Variants in HIPK1 observed in about 807,000 individuals in gnomAD.
The protein encoded by HIPK1 is homeodomain interacting protein kinase 1, also known as homeodomain-interacting protein kinase 1.
In HIPK1, 28 loss-of-function variants were observed where a neutral mutation model predicts 117.1. That is an observed-to-expected ratio of 0.24 (90% CI 0.18 to 0.33). HIPK1 has a LOEUF of 0.33. HIPK1 is among the 10% of genes least tolerant of loss of function. The pLI is 1.00. For synonymous variants in HIPK1, 605 were observed against 562.5 expected (o/e 1.08, Z -1.07); for missense variants, 1,122 against 1,475.1 (o/e 0.76, Z 3.92).
Position 113,974,261 on chromosome 1 carries a change from C to A in HIPK1, c.*749C>A, listed in dbSNP as rs983198851. On this transcript the variant is annotated 3_prime_UTR_variant, in exon 16 of 16. Coordinates refer to ENST00000426820, the MANE Select transcript of HIPK1 (RefSeq NM_198268.3). Reference sequence around the variant, plus strand: ...CTTAATGTGAGAGAATCCATATCTGCGTGAAAACACCAAGTATTCTTTTTA... The same window carrying A: ...CTTAATGTGAGAGAATCCATATCTGAGTGAAAACACCAAGTATTCTTTTTA... 6.6e-6 allele frequency: 1 copy of A among 152,670 alleles called. No homozygotes were observed. The highest frequency in any genetic ancestry group is 2.4e-5 in the African/African-American group (1 of 41,450). 9.5% of individuals were successfully genotyped at this position (152,670 alleles called of 1,614,324 possible). A position where few individuals can be genotyped will look rare whatever the true frequency, so the allele number is the denominator to read the frequency against.
chr1:113,968,593 A>T lies in HIPK1; in HGVS notation c.2716A>T (p.Ile906Phe). 1 of 1,614,168 alleles carries T rather than the reference A, an allele frequency of 6.2e-7. No individual in the cohort carries two copies. Among genetic ancestry groups the T allele is most frequent in the Non-Finnish European group, 8.5e-7 (1 of 1,179,974 alleles). Residue 906 changes from isoleucine to phenylalanine, a missense_variant, in exon 13 of 16, where the codon ATC (isoleucine) becomes TTC (phenylalanine). Transcript: ENST00000426820. ...TACTCCCAGCCCTCCTGTGAGTGTC[A>T]TCACTATCCGAAGTGACACTGATGA... ...PDTPSPPVSVITIRSDTDEEE... is the reference protein window; with the variant it reads ...PDTPSPPVSVFTIRSDTDEEE...
At position 113,952,760 on chromosome 1, in the gene HIPK1, T is replaced by C. The variant is rs764977314; in HGVS notation, c.1077-6T>C. On this transcript the variant is annotated splice_polypyrimidine_tract_variant and splice_region_variant and intron_variant, in intron 2 of 15. Coordinates refer to ENST00000426820, the MANE Select transcript of HIPK1 (RefSeq NM_198268.3). ...TTTTTAATCTGATATTTTTTGTTTT[T>C]GCTAGAGCTCCTGAAATTATTCTTG... 6.8e-7 allele frequency: 1 copy of C among 1,464,768 alleles called. No individual in the cohort carries two copies. Among genetic ancestry groups the C allele is most frequent in the South Asian group, 1.5e-5 (1 of 66,880 alleles). 90.7% of individuals were successfully genotyped at this position (1,464,768 alleles called of 1,614,324 possible).
At chr1:113,934,079 A>G (rs998377157) in intron 1 of HIPK1, among the ~76,000 whole-genome samples, 5 of 152,228 alleles carry the variant, frequency 3.3e-5, no homozygotes, top group African/African-American at 9.6e-5. Flanking sequence ...GTGATAGACA[A>G]TATGTATACC....
At chr1:113,930,017 C>T (rs909209446) in intron 1 of HIPK1, 97 of 984,978 alleles carry the variant, frequency 9.8e-5, no homozygotes, top group Non-Finnish European at 1.1e-4. Context: ...CCGGGCCGGC[C>T]GCCGGCTCTC....
chr1:113,929,985 C>T (rs1250927911), intron 1 of HIPK1: 2 of 985,382 alleles, frequency 2.0e-6, no homozygotes, highest in African/African-American at 3.5e-5. Context: ...GAGCGACTTC[C>T]CCTCAGCTCC....
In HIPK1 at chr1:113,960,462, A is replaced by T. The variant is rs567534209; in HGVS notation, c.1982-1855A>T. Among the ~76,000 whole-genome samples, 35 of 152,312 alleles carry T rather than the reference A, an allele frequency of 2.3e-4. 1 individual carries two copies. The East Asian group carries it at 6.6e-3, about 29-fold the overall frequency. On this transcript the variant is annotated intron_variant, in intron 8 of 15. Coordinates refer to ENST00000426820, the MANE Select transcript of HIPK1 (RefSeq NM_198268.3). ...GTCCTGGTTGGCCAAAATAGATAAC[A>T]CATTTTGCTTAGTGGTAACTATTAT...
chr1:113,943,354 GAT>G (rs1670776545), intron 2 of HIPK1, among the ~76,000 whole-genome samples: 1 of 152,114 alleles, frequency 6.6e-6, no homozygotes, highest in Non-Finnish European at 1.5e-5. Flanking sequence ...GCCTATTCTA[GAT>G]ACTGCATGTA....
Position 113,957,305 on chromosome 1 carries a change from TG to T in HIPK1, c.1755+21del. 6.3e-7 allele frequency: 1 copy of T among 1,596,852 alleles called. No homozygotes were observed. Among genetic ancestry groups the T allele is most frequent in the South Asian group, 1.1e-5 (1 of 89,942 alleles). ...CAATCAGGTATTCAATAAATAATTT[TG>T]GAAACTCAAGCTTAAGTGGGATAGA... On this transcript the variant is annotated intron_variant, in intron 7 of 15. Transcript: ENST00000426820.
At chr1:113,955,967 C>T (rs1671688446) in intron 5 of HIPK1, among the ~76,000 whole-genome samples, 1 of 151,538 alleles carries the variant, frequency 6.6e-6, no homozygotes, top group African/African-American at 2.4e-5. Context: ...TATTATGTTA[C>T]GAACTCTGAA....
Position 113,970,096 on chromosome 1 carries a change from G to C in HIPK1, c.2912G>C (p.Gly971Ala), listed in dbSNP as rs748624162. 1.2e-6 allele frequency: 2 copies of C among 1,614,032 alleles called. No individual in the cohort carries two copies. The highest frequency in any genetic ancestry group is 2.7e-5 in the African/African-American group (2 of 74,888). ...LRGNSGSVLE[G>A]PGRVVADGTG... ...GGCAATAGTGGATCCGTTTTGGAGGGGCCTGGCAGAGTTGTGGCAGATGGC... is the reference window on the plus strand; with the variant it reads ...GGCAATAGTGGATCCGTTTTGGAGGCGCCTGGCAGAGTTGTGGCAGATGGC... Residue 971 changes from glycine (G) to alanine (A), a missense_variant, in exon 14 of 16, where the codon GGG becomes GCG. Transcript: ENST00000426820.
In HIPK1 at chr1:113,954,784, A is replaced by G. The variant is rs1015355713; in HGVS notation, c.1320+14A>G. The G allele has an allele frequency of 4.3e-6, 7 of 1,610,658 alleles. No individual in the cohort carries two copies. Among genetic ancestry groups the G allele is most frequent in the East Asian group, 2.2e-5 (1 of 44,870 alleles). On this transcript the variant is annotated intron_variant, in intron 4 of 15. Coordinates refer to ENST00000426820, the MANE Select transcript of HIPK1 (RefSeq NM_198268.3). ...TGGAGGCTTAAGGTCTGTCTTCCCT[A>G]CTATGCTTCCGACTCCTGTACTCCA...
At chr1:113,960,913 A>G (rs974271707) in intron 8 of HIPK1, among the ~76,000 whole-genome samples, 1 of 152,210 alleles carries the variant, frequency 6.6e-6, no homozygotes, top group Admixed American at 6.5e-5. Flanking sequence ...CAGCAGTGTT[A>G]GGTCTATGAG....
intron 1 of HIPK1, among the ~76,000 whole-genome samples, chr1:113,937,084 G>A (rs1670299654): frequency 6.6e-6 from 1 of 152,146 alleles, no homozygotes; most frequent in Non-Finnish European, 1.5e-5. Context: ...CAGTGAAGTA[G>A]GTAGAACAAG....
intron 15 of HIPK1, 29 bp downstream of exon 15, chr1:113,971,983 T>C (rs1672862466): frequency 6.2e-7 from 1 of 1,612,792 alleles, no homozygotes; most frequent in Non-Finnish European, 8.5e-7. Context: ...TGCCTTCTGT[T>C]TGGGCCCTGC....
chr1:113,930,043 T>G lies in HIPK1; in HGVS notation c.-3+511T>G, dbSNP rs959433779. ...GCCGGCTCTCCTGGAGCGCCCAGCC[T>G]GCCGGGGGCGCCTTCCTCAAAGGGC... On this transcript the variant is annotated intron_variant, in intron 1 of 15. Transcript: ENST00000426820. 1.1e-5 allele frequency: 11 copies of G among 983,472 alleles called. No homozygotes were observed. In the South Asian group the frequency reaches 4.7e-4, roughly 42 times the overall value. The allele number at this position is 983,472 out of a possible 1,614,324, so 60.9% of individuals were successfully genotyped here.
chr1:113,953,184 T>A (rs886451104), intron 3 of HIPK1, among the ~76,000 whole-genome samples: 3 of 152,208 alleles, frequency 2.0e-5, no homozygotes, highest in Admixed American at 6.5e-5. Flanking sequence ...TTATGTGCTT[T>A]GTGAGTTAGG....
chr1:113,939,253 A>G (rs1670480195), intron 1 of HIPK1, among the ~76,000 whole-genome samples: 1 of 151,706 alleles, frequency 6.6e-6, no homozygotes, highest in African/African-American at 2.4e-5. Context: ...CTCTGGGCTC[A>G]GGTGATCACT....
chr1:113,943,402 G>A (rs1415569987), intron 2 of HIPK1, among the ~76,000 whole-genome samples: 1 of 152,120 alleles, frequency 6.6e-6, no homozygotes, highest in East Asian at 1.9e-4. Flanking sequence ...TTTGTGTCTA[G>A]TTTATTTCAC....
intron 9 of HIPK1, among the ~76,000 whole-genome samples, chr1:113,963,127 C>A (rs531401642): frequency 1.3e-5 from 2 of 152,150 alleles, no homozygotes; most frequent in Non-Finnish European, 2.9e-5. Flanking sequence ...TAATAAATGT[C>A]TCTGTTTCAT....
Sources: allele counts gnomAD v4.1 joint callset (sites outside exome capture counted in the v4.1 genomes callset), GRCh38; gene constraint gnomAD v4.1.1; transcripts MANE v1.5; gene names NCBI Gene and HGNC (gene_info 2026-07-23, HGNC 2026-07-21).